Variants in PDPR observed in about 807,000 individuals in gnomAD.
The protein encoded by PDPR is pyruvate dehydrogenase phosphatase regulatory subunit, also known as pyruvate dehydrogenase phosphatase regulatory subunit, mitochondrial.
In PDPR, 50 loss-of-function variants were observed where a neutral mutation model predicts 102.2. That is an observed-to-expected ratio of 0.49 (90% CI 0.39 to 0.62). The LOEUF (loss-of-function observed/expected upper bound fraction) is 0.62. Ranked by LOEUF, PDPR falls within the 20% of genes least tolerant of loss-of-function variation. The pLI is 0.00. For missense variants in PDPR, 625 were observed against 1,098.2 expected (o/e 0.57, Z 6.09); for synonymous variants, 259 against 406.0 (o/e 0.64, Z 4.35).
At chr16:70,116,596 T>G (rs1597281164) in intron 2 of PDPR, among the ~76,000 whole-genome samples, 1 of 138,642 alleles carries the variant, frequency 7.2e-6, no homozygotes, top group South Asian at 2.3e-4. Flanking sequence ...GCCTGTGTGG[T>G]GAGAGAGTAT....
At chr16:70,151,400 C>A (rs532529223) in intron 17 of PDPR, among the ~76,000 whole-genome samples, 17 of 152,400 alleles carry the variant, frequency 1.1e-4, no homozygotes, top group Non-Finnish European at 2.5e-4. Flanking sequence ...CTGTGCCCAA[C>A]CCTTTTTAAA....
chr16:70,140,417 T>C (rs530349097), intron 11 of PDPR, among the ~76,000 whole-genome samples: 3 of 152,392 alleles, frequency 2.0e-5, no homozygotes, highest in Admixed American at 2.0e-4. Context: ...TCCCTACCCA[T>C]AGTTACTTTG....
intron 4 of PDPR, among the ~76,000 whole-genome samples, chr16:70,128,090 G>A (rs533630710): frequency 4.7e-4 from 72 of 152,258 alleles, no homozygotes; most frequent in Non-Finnish European, 3.5e-4. Context: ...GGGAGAATCC[G>A]ACCCTTGGTA....
chr16:70,130,963 AAG>A (rs796803097), intron 7 of PDPR, among the ~76,000 whole-genome samples: 4 of 152,398 alleles, frequency 2.6e-5, no homozygotes, highest in African/African-American at 9.6e-5. Context: ...GAAGTGAACT[AAG>A]AAATACTTTT....
chr16:70,132,748 C>T (rs1373584248), intron 9 of PDPR, among the ~76,000 whole-genome samples: 4 of 152,190 alleles, frequency 2.6e-5, no homozygotes, highest in African/African-American at 9.7e-5. Context: ...CTTGGCCTCC[C>T]AAAGTGCTAA....
chr16:70,126,151 A>G (rs1431559209), intron 3 of PDPR, among the ~76,000 whole-genome samples: 1 of 152,288 alleles, frequency 6.6e-6, no homozygotes, highest in African/African-American at 2.4e-5. Context: ...ATTTTGGTAC[A>G]TAAAGACCTT....
At chr16:70,119,101 T>C (rs1390735605) in intron 2 of PDPR, among the ~76,000 whole-genome samples, 3 of 152,082 alleles carry the variant, frequency 2.0e-5, no homozygotes, top group Non-Finnish European at 4.4e-5. Context: ...AGCCAGTAGG[T>C]GCTTTCTTCT....
At position 70,131,339 on chromosome 16, in the gene PDPR, T is replaced by A; in HGVS notation, c.767T>A (p.Val256Asp). 6.5e-7 allele frequency: 1 copy of A among 1,537,472 alleles called. No individual in the cohort carries two copies. Among genetic ancestry groups the A allele is most frequent in the East Asian group, 2.4e-5 (1 of 41,804 alleles). Residue 256 changes from valine to aspartate, a missense_variant, in exon 8 of 19, where the codon GTT becomes GAT. Val to Asp is a radical substitution (Grantham distance 152). Transcript: ENST00000288050. ...YELGLSNEEP[V>D]SIPLHACEHF... ...CTGGGTCTGTCCAACGAGGAGCCGGTTAGTATCCCGCTACATGCCTGCGAA... is the reference window on the plus strand; with the variant it reads ...CTGGGTCTGTCCAACGAGGAGCCGGATAGTATCCCGCTACATGCCTGCGAA...
At chr16:70,143,106 G>A (rs28722624) in intron 13 of PDPR, among the ~76,000 whole-genome samples, 43 of 152,286 alleles carry the variant, frequency 2.8e-4, no homozygotes, top group Non-Finnish European at 2.1e-4. Context: ...GGAGAATCGC[G>A]TGAACTCATG....
rs940450235 is a variant in PDPR at position 70,158,047 on chromosome 16, A to G, written c.*1168A>G. The stretch of plus-strand genomic sequence containing the variant: ...TAGTCCACTGAGAGTTCTGAGTCCA[A>G]AGGGTGTACGTTGCATAAGGCTAGA... On this transcript the variant is annotated 3_prime_UTR_variant, in exon 19 of 19. Transcript: ENST00000288050. 1 of 153,500 alleles carries G rather than the reference A, an allele frequency of 6.5e-6. No individual in the cohort carries two copies. The highest frequency in any genetic ancestry group is 2.4e-5 in the African/African-American group (1 of 41,488). 9.5% of individuals were successfully genotyped at this position (153,500 alleles called of 1,614,324 possible). A position where few individuals can be genotyped will look rare whatever the true frequency, so the allele number is the denominator to read the frequency against.
chr16:70,143,356 C>T (rs1965924586), intron 13 of PDPR, among the ~76,000 whole-genome samples, 154 bp from the exon 14 acceptor site: 1 of 152,282 alleles, frequency 6.6e-6, no homozygotes, highest in Admixed American at 6.5e-5. Context: ...CTAGCGTTCC[C>T]TGGAGCTTCT....
chr16:70,134,671 A>G (rs1964915083), intron 9 of PDPR, among the ~76,000 whole-genome samples: 2 of 151,782 alleles, frequency 1.3e-5, no homozygotes, highest in African/African-American at 4.8e-5. Flanking sequence ...CTGTAACGCC[A>G]GCTACGTGGG....
At chr16:70,151,939 A>G (rs1255703364) in intron 17 of PDPR, among the ~76,000 whole-genome samples, 1 of 152,206 alleles carries the variant, frequency 6.6e-6, no homozygotes, top group Non-Finnish European at 1.5e-5. Flanking sequence ...GTGGGGACCC[A>G]CTCTTCTCTT....
rs1290444831 is a variant in PDPR at position 70,157,285 on chromosome 16, T to C, written c.*406T>C. ...AGTCCCTCTCCCTTGGGTTCCATTT[T>C]CTTGGAGCAGCCTATTAGTTCTGGT... On this transcript the variant is annotated 3_prime_UTR_variant, in exon 19 of 19. Coordinates refer to ENST00000288050, the MANE Select transcript of PDPR (RefSeq NM_017990.5). 3 of 454,446 alleles carry C rather than the reference T, an allele frequency of 6.6e-6. No homozygotes were observed. The allele number at this position is 454,446 out of a possible 1,614,324, so 28.2% of individuals were successfully genotyped here.
Position 70,132,146 on chromosome 16 carries a change from C to T in PDPR, c.848-5C>T, listed in dbSNP as rs371454838. 5.0e-5 allele frequency: 81 copies of T among 1,607,946 alleles called. No individual in the cohort carries two copies. In the African/African-American group the frequency reaches 9.5e-4, roughly 19 times the overall value. On this transcript the variant is annotated splice_region_variant and splice_polypyrimidine_tract_variant and intron_variant, in intron 8 of 18. Coordinates refer to ENST00000288050, the MANE Select transcript of PDPR (RefSeq NM_017990.5). ...TCCCCACTCCATGTCATTTCTCCAC[C>T]TCAGCTATTGTGGATGCTGATGGAA... is the stretch of plus-strand genomic sequence containing the variant.
Position 70,148,919 on chromosome 16 carries a change from G to A in PDPR, c.2052+366G>A, listed in dbSNP as rs1475653500. Reference sequence around the variant, plus strand: ...TTAATTTTTTTTTTTTTTTGAGACAGGGTCTCACTCTTTTGCCCAGGGTGG... The same window carrying A: ...TTAATTTTTTTTTTTTTTTGAGACAAGGTCTCACTCTTTTGCCCAGGGTGG... On this transcript the variant is annotated intron_variant, in intron 17 of 18. Coordinates refer to ENST00000288050, the MANE Select transcript of PDPR (RefSeq NM_017990.5). Among the ~76,000 whole-genome samples, 6 of 150,266 alleles carry A rather than the reference G, an allele frequency of 4.0e-5. No homozygotes were observed. In the East Asian group the frequency reaches 5.9e-4, roughly 15 times the overall value.
intron 10 of PDPR, among the ~76,000 whole-genome samples, chr16:70,138,038 CT>C (rs200071207): frequency 1.6e-3 from 189 of 118,354 alleles, no homozygotes; most frequent in Admixed American, 2.0e-3. Flanking sequence ...ATACCCAGCT[CT>C]TTTTTTTTTT....
chr16:70,156,407 A>G (rs1967198898), intron 18 of PDPR, 68 bp from the exon 19 acceptor site: 4 of 1,562,446 alleles, frequency 2.6e-6, no homozygotes, highest in Non-Finnish European at 3.5e-6. Flanking sequence ...GACCCTTCCC[A>G]CGGTGCTGCT....
At chr16:70,115,833 G>A (rs1040960651) in intron 2 of PDPR, among the ~76,000 whole-genome samples, 4 of 152,050 alleles carry the variant, frequency 2.6e-5, no homozygotes, top group Non-Finnish European at 5.9e-5. Context: ...TAAACCAGAT[G>A]ATGTGCTTCA....
Sources: allele counts gnomAD v4.1 joint callset (sites outside exome capture counted in the v4.1 genomes callset), GRCh38; gene constraint gnomAD v4.1.1; transcripts MANE v1.5; gene names NCBI Gene and HGNC (gene_info 2026-07-23, HGNC 2026-07-21).